Variants in MCM4 observed in about 807,000 individuals in gnomAD.
MCM4 encodes minichromosome maintenance complex component 4, also known as DNA replication licensing factor MCM4.
A neutral mutation model predicts 88.7 loss-of-function variants in MCM4; 60 were observed. That is an observed-to-expected ratio of 0.68 (90% CI 0.55 to 0.84). MCM4 has a LOEUF of 0.84. Among genes scored for constraint, MCM4 ranks in the 40% least tolerant of loss-of-function variants. The pLI, the probability that MCM4 is intolerant of heterozygous loss-of-function variation, is 0.00. For missense variants in MCM4, 1,149 were observed against 1,105.5 expected (o/e 1.04, Z -0.56); for synonymous variants, 465 against 410.5 (o/e 1.13, Z -1.61).
At position 47,975,882 on chromosome 8, in the gene MCM4, G is replaced by C. The variant is rs773096094; in HGVS notation, c.2499+34G>C. 1.3e-5 allele frequency: 18 copies of C among 1,408,714 alleles called. No individual in the cohort carries two copies. In the Admixed American group the frequency reaches 4.8e-4, roughly 38 times the overall value. The allele number at this position is 1,408,714 out of a possible 1,614,324, so 87.3% of individuals were successfully genotyped here. A position where few individuals can be genotyped will look rare whatever the true frequency, so the allele number is the denominator to read the frequency against. On this transcript the variant is annotated intron_variant, in intron 16 of 16. Coordinates refer to ENST00000649973, the MANE Select transcript of MCM4 (RefSeq NM_182746.3). ...TTATATGTATTTTTTGTTTGATAGA[G>C]CTTTCTCTTTTTCCTTAATATTGCT...
chr8:47,963,676 C>T (rs938565378), intron 7 of MCM4, among the ~76,000 whole-genome samples: 6 of 152,230 alleles, frequency 3.9e-5, no homozygotes, highest in South Asian at 2.1e-4. Flanking sequence ...TTACATACTT[C>T]CTGCTGCTTT....
chr8:47,969,819 T>C lies in MCM4; in HGVS notation c.1196T>C (p.Ile399Thr), dbSNP rs750634771. ...NVTGIYRAVP[I>T]RVNPRVSNVK... ...TCAGGCATCTATCGAGCTGTGCCTA[T>C]TCGAGTCAATCCAAGAGTGAGTAAT... The change falls in exon 11 of 17, where the codon ATT becomes ACT. Residue 399 changes from isoleucine (I) to threonine (T), a missense_variant. By Grantham distance (89) the Ile-to-Thr change is moderately conservative. This residue lies in a region of MCM4 where 906 missense variants were observed against 843.0 expected (regional missense o/e 1.07). Transcript: ENST00000649973. The C allele has an allele frequency of 1.2e-6, 2 of 1,614,230 alleles. No individual in the cohort carries two copies. Among genetic ancestry groups the C allele is most frequent in the African/African-American group, 1.3e-5 (1 of 75,050 alleles).
Position 47,961,180 on chromosome 8 carries a change from CAGCCGGCGTGGA to C in MCM4, c.39_50del (p.Ser13_Gly16del). 1 of 1,549,864 alleles carries C rather than the reference CAGCCGGCGTGGA, an allele frequency of 6.5e-7. No homozygotes were observed. Among genetic ancestry groups the C allele is most frequent in the Middle Eastern group, 1.7e-4 (1 of 5,844 alleles). The stretch of plus-strand genomic sequence containing the variant: ...CGGCGTCGACCCCGAGCCGCCGCGG[CAGCCGGCGTGGA>C]AGGGCCACCCCCGCCCAGACGCGTG... On this transcript the variant is annotated inframe_deletion, in exon 2 of 17. Coordinates refer to ENST00000649973, the MANE Select transcript of MCM4 (RefSeq NM_182746.3).
At position 47,976,978 on chromosome 8, in the gene MCM4, T is replaced by A. The variant is rs957669733; in HGVS notation, c.*200T>A. Reference sequence around the variant, plus strand: ...TTTTTCACGTTATAAATAAAAATACTATGCTGGCCGGGCGCGGTGGCTCAC... The same window carrying A: ...TTTTTCACGTTATAAATAAAAATACAATGCTGGCCGGGCGCGGTGGCTCAC... On this transcript the variant is annotated 3_prime_UTR_variant, in exon 17 of 17. Transcript: ENST00000649973. The A allele has an allele frequency of 4.6e-6, 2 of 437,260 alleles. No homozygotes were observed. The highest frequency in any genetic ancestry group is 7.2e-5 in the Admixed American group (2 of 27,654). 27.1% of individuals were successfully genotyped at this position (437,260 alleles called of 1,614,324 possible). A position where few individuals can be genotyped will look rare whatever the true frequency, so the allele number is the denominator to read the frequency against.
chr8:47,973,052 G>A lies in MCM4; in HGVS notation c.2124G>A (p.Gln708=). ...IMPRLSEEAS[Q]ALIEAYVDMR... ...CGCGGCTAAGTGAGGAAGCCAGCCA[G>A]GCTCTCATCGAGGTAACCCTGCTGA... The change falls in exon 14 of 17, where the codon CAG becomes CAA. Residue 708 remains glutamine, a synonymous_variant. Transcript: ENST00000649973. 6.2e-7 allele frequency: 1 copy of A among 1,613,392 alleles called. No individual in the cohort carries two copies. The highest frequency in any genetic ancestry group is 8.5e-7 in the Non-Finnish European group (1 of 1,179,940).
chr8:47,974,151 A>ATTT (rs2090980265), intron 14 of MCM4: 1 of 152,512 alleles, frequency 6.6e-6, no homozygotes, highest in Non-Finnish European at 1.5e-5. Context: ...TGGTGCTTTG[A>ATTT]TGAGCTTTGC....
At chr8:47,973,866 A>G (rs1459107356) in intron 14 of MCM4, 1 of 152,222 alleles carries the variant, frequency 6.6e-6, no homozygotes, top group Non-Finnish European at 1.5e-5. Context: ...AAAAGGGGGA[A>G]ATAGTTCATT....
intron 13 of MCM4, among the ~76,000 whole-genome samples, chr8:47,972,495 G>A (rs888580039): frequency 6.6e-6 from 1 of 152,120 alleles, no homozygotes; most frequent in Non-Finnish European, 1.5e-5. Flanking sequence ...TCTTTAGTAC[G>A]TCGTTTGTAG....
intron 10 of MCM4, 98 bp from the exon 11 acceptor site, chr8:47,969,700 G>A: frequency 2.4e-6 from 3 of 1,263,124 alleles, no homozygotes; most frequent in Non-Finnish European, 2.3e-6. Flanking sequence ...CCGACGTGGT[G>A]CCTCGCTCTG....
Position 47,967,377 on chromosome 8 carries a change from G to C in MCM4, c.1066G>C (p.Glu356Gln). The change falls in exon 10 of 17, where the codon GAG (glutamate) becomes CAG (glutamine). Residue 356 changes from glutamate (E) to glutamine (Q), a missense_variant. Physicochemically the swap from Glu to Gln is conservative, Grantham distance 29. Around this residue, in one of 3 missense-constraint regions of MCM4, gnomAD observed 906 missense variants for 843.0 expected, o/e 1.07. Transcript: ENST00000649973. ...FSDKQMIKLQESPEDMPAGQT... is the reference protein window; with the variant it reads ...FSDKQMIKLQQSPEDMPAGQT... ...TGCTGACCTTCAGATCAAGCTTCAG[G>C]AGTCTCCGGAAGACATGCCTGCAGG... The C allele has an allele frequency of 2.5e-6, 4 of 1,614,120 alleles. No homozygotes were observed. The highest frequency in any genetic ancestry group is 2.5e-6 in the Non-Finnish European group (3 of 1,180,018).
At chr8:47,967,207 A>T (rs1362599692) in intron 9 of MCM4, among the ~76,000 whole-genome samples, 158 bp from the exon 10 acceptor site, 1 of 152,238 alleles carries the variant, frequency 6.6e-6, no homozygotes, top group Non-Finnish European at 1.5e-5. Flanking sequence ...CTTCTTTAGA[A>T]GAAGTAATTT....
rs773551713 is a variant in MCM4, at chr8:47,970,742, C to T, written c.1666C>T (p.Leu556=). The change falls in exon 12 of 17, where the codon CTG becomes TTG. Residue 556 remains leucine (L), a synonymous_variant. Coordinates refer to ENST00000649973, the MANE Select transcript of MCM4 (RefSeq NM_182746.3). ...YVMKDPETRQ[L]VLQTGALVLS... Reference sequence around the variant, plus strand: ...AATGAAAGACCCTGAGACAAGGCAGCTGGTCCTGCAGACAGGTGCTCTTGT... The same window carrying T: ...AATGAAAGACCCTGAGACAAGGCAGTTGGTCCTGCAGACAGGTGCTCTTGT... 7 of 1,614,110 alleles carry T rather than the reference C, an allele frequency of 4.3e-6. No homozygotes were observed. Among genetic ancestry groups the T allele is most frequent in the African/African-American group, 1.3e-5 (1 of 74,946 alleles).
chr8:47,977,377 C>G lies in MCM4; in HGVS notation c.*599C>G, dbSNP rs1224450959. Reference sequence around the variant, plus strand: ...CTTTTACTCTGTGTATGCACAGATGCAGTCTGGGGCATGGTTTGTGTGCTG... The same window carrying G: ...CTTTTACTCTGTGTATGCACAGATGGAGTCTGGGGCATGGTTTGTGTGCTG... On this transcript the variant is annotated 3_prime_UTR_variant, in exon 17 of 17. Transcript: ENST00000649973. 1 of 152,104 alleles carries G rather than the reference C, an allele frequency of 6.6e-6. No homozygotes were observed. Among genetic ancestry groups the G allele is most frequent in the African/African-American group, 2.4e-5 (1 of 41,338 alleles). 9.4% of individuals were successfully genotyped at this position (152,104 alleles called of 1,614,324 possible).
At chr8:47,961,447 G>A (rs2090832087) in intron 2 of MCM4, 69 bp from the exon 3 acceptor site, 3 of 1,610,970 alleles carry the variant, frequency 1.9e-6, no homozygotes, top group East Asian at 2.2e-5. Context: ...ATGCCCCAAG[G>A]AAAAGACAAA....
At position 47,976,885 on chromosome 8, in the gene MCM4, C is replaced by A; in HGVS notation, c.*107C>A. ...CATCAGTGTAAATAGAGCTTAAAGT[C>A]ATGGTTTGGCTGCATAAAAATTTTC... is the stretch of plus-strand genomic sequence containing the variant. On this transcript the variant is annotated 3_prime_UTR_variant, in exon 17 of 17. Transcript: ENST00000649973. The A allele has an allele frequency of 1.5e-6, 1 of 658,856 alleles. No individual in the cohort carries two copies. The highest frequency in any genetic ancestry group is 2.6e-5 in the Admixed American group (1 of 38,232). The allele number at this position is 658,856 out of a possible 1,614,324, so 40.8% of individuals were successfully genotyped here.
chr8:47,968,174 A>G (rs1241860722), intron 10 of MCM4, among the ~76,000 whole-genome samples: 1 of 152,124 alleles, frequency 6.6e-6, no homozygotes, highest in Non-Finnish European at 1.5e-5. Context: ...TGTTGATGGC[A>G]GCACGGTTCT....
chr8:47,962,736 C>G (rs1356518418), intron 5 of MCM4, 28 bp from the exon 6 acceptor site: 1 of 1,371,826 alleles, frequency 7.3e-7, no homozygotes, highest in Non-Finnish European at 1.0e-6. Flanking sequence ...ATGCTATATG[C>G]CTAATACAGT....
chr8:47,965,630 T>C lies in MCM4; in HGVS notation c.833-557T>C, dbSNP rs186877367. The stretch of plus-strand genomic sequence containing the variant: ...GGACCTTCAAAGGGAAAAAGTTGTC[T>C]GTCAGGAAAGGTTCAAATAATAGAG... On this transcript the variant is annotated intron_variant, in intron 8 of 16. Coordinates refer to ENST00000649973, the MANE Select transcript of MCM4 (RefSeq NM_182746.3). Among the ~76,000 whole-genome samples, 28 of 152,276 alleles carry C rather than the reference T, an allele frequency of 1.8e-4. 3 individuals are homozygous for C. Among genetic ancestry groups the C allele is most frequent in the African/African-American group, 6.5e-4 (27 of 41,546 alleles).
At position 47,977,717 on chromosome 8, in the gene MCM4, CG is replaced by C. The variant is rs1414612630; in HGVS notation, c.*941del. 6.6e-6 allele frequency: 1 copy of C among 152,144 alleles called. No homozygotes were observed. Among genetic ancestry groups the C allele is most frequent in the Admixed American group, 6.5e-5 (1 of 15,268 alleles). The allele number at this position is 152,144 out of a possible 1,614,324, so 9.4% of individuals were successfully genotyped here. On this transcript the variant is annotated 3_prime_UTR_variant, in exon 17 of 17. Transcript: ENST00000649973. The stretch of plus-strand genomic sequence containing the variant: ...CAAGCGATCTGCCCACCTCAACTTC[CG>C]GAAGTGCTGAGATTACAGGTGTGAG...
Sources: gnomAD v4.1 joint callset for allele counts (sites outside exome capture counted in the v4.1 genomes callset) on GRCh38, gnomAD v4.1.1 for gene constraint, gnomAD v4.1.1 regional missense constraint, MANE v1.5 for transcripts, NCBI Gene and HGNC (gene_info 2026-07-23, HGNC 2026-07-21) for gene names.